Variants in GRIK1 observed in about 807,000 individuals in gnomAD.
The protein encoded by GRIK1 is glutamate ionotropic receptor kainate type subunit 1.
GRIK1 carries 69 observed loss-of-function variants against 105.7 expected under a neutral mutation model. The ratio of observed to expected loss-of-function variants is 0.65; its 90% confidence interval spans 0.54 to 0.80. The LOEUF is 0.80. Ranked by LOEUF, GRIK1 falls within the 30% of genes least tolerant of loss-of-function variation. The pLI, the probability that GRIK1 is intolerant of heterozygous loss-of-function variation, is 0.00. For missense variants in GRIK1, 1,109 were observed against 1,167.3 expected, an observed-to-expected ratio of 0.95 and a Z score of 0.73; for synonymous variants, 438 against 431.3, an observed-to-expected ratio of 1.02 and a Z score of -0.19.
In GRIK1 at chr21:29,697,985, TTCTTTCTTTC is replaced by T. The variant is rs1370154555; in HGVS notation, c.119-3932_119-3923del. 1.8e-3 allele frequency among the ~76,000 whole-genome samples: 270 copies of T among 151,022 alleles called. 3 individuals carry two copies. The highest frequency in any genetic ancestry group is 6.2e-3 in the African/African-American group (255 of 41,130). On this transcript the variant is annotated intron_variant, in intron 1 of 17. Coordinates refer to ENST00000327783, the MANE Select transcript of GRIK1 (RefSeq NM_001330994.2). ...CCTTTCTTTCTTTCTCTCTGTCTCT[TTCTTTCTTTC>T]TCTTTCTTTCTTTCCTTCTTTCTTT...
Position 29,872,442 on chromosome 21 carries a change from C to T in GRIK1, c.118+66941G>A, listed in dbSNP as rs374082484. 1.6e-4 allele frequency among the ~76,000 whole-genome samples: 25 copies of T among 152,212 alleles called. 1 individual carries two copies. The highest frequency in any genetic ancestry group is 6.0e-4 in the African/African-American group (25 of 41,534). ...TCTCCTGACCTTGTGATCCGCCCGCCTCTGCCTCCTGCTCTGACTTCTTAA... is the reference window on the plus strand; with the variant it reads ...TCTCCTGACCTTGTGATCCGCCCGCTTCTGCCTCCTGCTCTGACTTCTTAA... On this transcript the variant is annotated intron_variant, in intron 1 of 17. Coordinates refer to ENST00000327783, the MANE Select transcript of GRIK1 (RefSeq NM_001330994.2).
chr21:29,544,019 T>C (rs1052283562), intron 16 of GRIK1, among the ~76,000 whole-genome samples: 2 of 152,220 alleles, frequency 1.3e-5, no homozygotes, highest in Non-Finnish European at 2.9e-5. Context: ...TTCCCACACC[T>C]GGGACCTGAT....
chr21:29,569,447 C>T (rs2090688287), intron 14 of GRIK1, among the ~76,000 whole-genome samples: 1 of 152,164 alleles, frequency 6.6e-6, no homozygotes, highest in East Asian at 1.9e-4. Context: ...CCAAGGTCTA[C>T]ATAACTTATA....
chr21:29,897,191 A>G (rs1484662431), intron 1 of GRIK1, among the ~76,000 whole-genome samples: 2 of 152,156 alleles, frequency 1.3e-5, no homozygotes, highest in Non-Finnish European at 2.9e-5. Flanking sequence ...AAGTGTTATT[A>G]ATGACTTAGA....
At position 29,565,788 on chromosome 21, in the gene GRIK1, C is replaced by T. The variant is rs149254155; in HGVS notation, c.2131-3939G>A. 6.4e-3 allele frequency among the ~76,000 whole-genome samples: 982 copies of T among 152,298 alleles called. 5 individuals carry two copies. The highest frequency in any genetic ancestry group is 9.9e-3 in the Non-Finnish European group (675 of 68,018). The stretch of plus-strand genomic sequence containing the variant: ...CTGCAAGGAGTATGTCATGCTTAGA[C>T]GAGTTTCACATAAGGAGATGCTTCA... On this transcript the variant is annotated intron_variant, in intron 14 of 17. Transcript: ENST00000327783.
chr21:29,606,011 A>T (rs1025478250), intron 7 of GRIK1, among the ~76,000 whole-genome samples: 51 of 120,856 alleles, frequency 4.2e-4, no homozygotes, highest in Non-Finnish European at 7.2e-4. Context: ...AAAACTTGAA[A>T]ATGAAGCAAA....
At chr21:29,861,580 T>C (rs1569168196) in intron 1 of GRIK1, 1 of 189,686 alleles carries the variant, frequency 5.3e-6, no homozygotes, top group Non-Finnish European at 9.2e-6. Flanking sequence ...AGTGTGGGAT[T>C]ATAGGTGTGA....
chr21:29,794,559 G>A (rs986013947), intron 1 of GRIK1, among the ~76,000 whole-genome samples: 4 of 152,164 alleles, frequency 2.6e-5, no homozygotes, highest in Admixed American at 6.5e-5. Flanking sequence ...AATGTACCTC[G>A]TTCCTTGTGG....
intron 6 of GRIK1, 146 bp from the exon 7 acceptor site, chr21:29,643,115 A>G (rs2062548538): frequency 1.5e-6 from 1 of 679,594 alleles, no homozygotes. Context: ...TTCACTCTCC[A>G]ATAGCTATTT....
intron 1 of GRIK1, among the ~76,000 whole-genome samples, chr21:29,721,547 G>A (rs2064322289): frequency 6.7e-6 from 1 of 149,900 alleles, no homozygotes; most frequent in Non-Finnish European, 1.5e-5. Context: ...TGACTAAAAA[G>A]CAATCAATGG....
intron 1 of GRIK1, among the ~76,000 whole-genome samples, chr21:29,824,887 CAT>C (rs1569133917): frequency 6.6e-6 from 1 of 151,980 alleles, no homozygotes; most frequent in African/African-American, 2.4e-5. Flanking sequence ...AGGTCAAAAA[CAT>C]AGGATCAGGG....
At chr21:29,863,383 T>C (rs934562281) in intron 1 of GRIK1, among the ~76,000 whole-genome samples, 3 of 152,292 alleles carry the variant, frequency 2.0e-5, no homozygotes, top group East Asian at 1.9e-4. Flanking sequence ...TTGTACTCTA[T>C]AGAGTTAATA....
chr21:29,618,456 C>T (rs944948352), intron 7 of GRIK1, among the ~76,000 whole-genome samples: 4 of 152,170 alleles, frequency 2.6e-5, no homozygotes, highest in African/African-American at 9.7e-5. Context: ...CGTGGCGATT[C>T]CTTAAAGAAC....
At chr21:29,606,053 G>A (rs1401598590) in intron 7 of GRIK1, among the ~76,000 whole-genome samples, 1 of 148,132 alleles carries the variant, frequency 6.8e-6, no homozygotes, top group Non-Finnish European at 1.5e-5. Context: ...GACCTTCTTT[G>A]TCATGGTGGC....
Position 29,867,823 on chromosome 21 carries a change from A to T in GRIK1, c.118+71560T>A, listed in dbSNP as rs2268214. 2.5e-3 allele frequency among the ~76,000 whole-genome samples: 275 copies of T among 109,600 alleles called. 3 individuals carry two copies. The highest frequency in any genetic ancestry group is 0.011 in the East Asian group (28 of 2,610). 71.9% of individuals were successfully genotyped at this position (109,600 alleles called of 152,430 possible). A position where few individuals can be genotyped will look rare whatever the true frequency, so the allele number is the denominator to read the frequency against. ...AAGAAAGAAAGAAAGAAAGAATGAA[A>T]GAAAGAAAGAAAGAAAGAAGGAAGG... On this transcript the variant is annotated intron_variant, in intron 1 of 17. Transcript: ENST00000327783.
At chr21:29,571,793 A>T (rs199504591) in intron 14 of GRIK1, among the ~76,000 whole-genome samples, 1 of 152,214 alleles carries the variant, frequency 6.6e-6, no homozygotes, top group Non-Finnish European at 1.5e-5. Flanking sequence ...TCATTTGGGT[A>T]CTGCCAGAGG....
chr21:29,818,339 A>G (rs144466987), intron 1 of GRIK1, among the ~76,000 whole-genome samples: 3 of 152,216 alleles, frequency 2.0e-5, no homozygotes, highest in Non-Finnish European at 4.4e-5. Context: ...ATCCCAAATG[A>G]TGTACATTCT....
At chr21:29,900,801 A>G (rs1007803517) in intron 1 of GRIK1, among the ~76,000 whole-genome samples, 3 of 152,212 alleles carry the variant, frequency 2.0e-5, no homozygotes, top group African/African-American at 7.2e-5. Context: ...ATAGACATCT[A>G]CAGAACCCTC....
At chr21:29,565,930 G>A (rs1265799193) in intron 14 of GRIK1, among the ~76,000 whole-genome samples, 1 of 152,212 alleles carries the variant, frequency 6.6e-6, no homozygotes, top group Admixed American at 6.5e-5. Flanking sequence ...AGACAGCACA[G>A]AATTGAGGGC....
Sources: allele counts gnomAD v4.1 joint callset (sites outside exome capture counted in the v4.1 genomes callset), GRCh38; gene constraint gnomAD v4.1.1; transcripts MANE v1.5; gene names NCBI Gene and HGNC (gene_info 2026-07-23, HGNC 2026-07-21).